The following THSD7B variants were observed in gnomAD, a reference collection of about 807,000 sequenced individuals.
THSD7B encodes the protein thrombospondin type 1 domain containing 7B, also known as thrombospondin type-1 domain-containing protein 7B.
A neutral mutation model predicts 213.6 loss-of-function variants in THSD7B; 138 were observed. The observed-to-expected ratio is 0.65, with a 90% CI of 0.56 to 0.74. The LOEUF is 0.74. THSD7B is among the 30% of genes least tolerant of loss of function. THSD7B has a pLI of 0.00. For missense variants in THSD7B, 1,931 were observed against 1,991.5 expected, an observed-to-expected ratio of 0.97 and a Z score of 0.58; for synonymous variants, 742 against 687.0, an observed-to-expected ratio of 1.08 and a Z score of -1.25.
At chr2:137,283,021 A>G (rs1206800178) in intron 12 of THSD7B, among the ~76,000 whole-genome samples, 1 of 152,168 alleles carries the variant, frequency 6.6e-6, no homozygotes, top group African/African-American at 2.4e-5. Flanking sequence ...ACGATAATTG[A>G]TTCTTCCTAC....
chr2:137,240,116 T>C (rs975232295), intron 9 of THSD7B, among the ~76,000 whole-genome samples: 10 of 152,204 alleles, frequency 6.6e-5, no homozygotes, highest in African/African-American at 2.4e-4. Context: ...ACAAACATTT[T>C]GTTCATAATG....
intron 1 of THSD7B, among the ~76,000 whole-genome samples, chr2:136,771,013 C>T (rs1252670350): frequency 6.6e-6 from 1 of 152,054 alleles, no homozygotes; most frequent in Non-Finnish European, 1.5e-5. Context: ...GGTCATCTGC[C>T]ACAACTGTAA....
chr2:136,826,474 C>A (rs543396111), intron 1 of THSD7B, among the ~76,000 whole-genome samples: 1 of 152,178 alleles, frequency 6.6e-6, no homozygotes, highest in Non-Finnish European at 1.5e-5. Flanking sequence ...TACTAAGTAA[C>A]TGCAAGAGGA....
intron 15 of THSD7B, among the ~76,000 whole-genome samples, chr2:137,477,985 A>C (rs1409584303): frequency 2.0e-5 from 3 of 151,828 alleles, no homozygotes; most frequent in Non-Finnish European, 4.4e-5. Context: ...ATAAGTAGCT[A>C]TATGCTGTTC....
intron 2 of THSD7B, among the ~76,000 whole-genome samples, chr2:136,921,600 G>A (rs1191106470): frequency 6.6e-6 from 1 of 152,180 alleles, no homozygotes; most frequent in Admixed American, 6.5e-5. Context: ...TGACAGTACT[G>A]CCTTAAGGAT....
chr2:136,777,458 T>C (rs909982084), intron 1 of THSD7B, among the ~76,000 whole-genome samples: 7 of 152,134 alleles, frequency 4.6e-5, no homozygotes, highest in Non-Finnish European at 1.0e-4. Context: ...CCCTCACTGG[T>C]CCTGCTGAAA....
In THSD7B at chr2:137,649,513, G is replaced by A. The variant is rs77448458; in HGVS notation, c.3946-5988G>A. On this transcript the variant is annotated intron_variant, in intron 21 of 27. Coordinates refer to ENST00000409968, the MANE Select transcript of THSD7B (RefSeq NM_001316349.2). ...CTGCATATGCTTATCCAGTTTTCCC[G>A]GTAATATTTATTGAAGAGACTATCC... 3.0e-3 allele frequency among the ~76,000 whole-genome samples: 459 copies of A among 152,128 alleles called. 2 individuals carry two copies. Among genetic ancestry groups the A allele is most frequent in the African/African-American group, 9.9e-3 (413 of 41,508 alleles).
At chr2:137,241,728 T>C (rs1681909919) in intron 9 of THSD7B, among the ~76,000 whole-genome samples, 1 of 152,052 alleles carries the variant, frequency 6.6e-6, no homozygotes, top group Non-Finnish European at 1.5e-5. Context: ...CTGGTTAACA[T>C]GGTGAAATCC....
chr2:137,096,956 T>C (rs1688050742), intron 4 of THSD7B, among the ~76,000 whole-genome samples: 1 of 152,234 alleles, frequency 6.6e-6, no homozygotes, highest in Admixed American at 6.5e-5. Flanking sequence ...TGTATTTGTT[T>C]CCTCCAGAAA....
intron 27 of THSD7B, among the ~76,000 whole-genome samples, chr2:137,673,690 A>G (rs2104833111): frequency 6.6e-6 from 1 of 152,334 alleles, no homozygotes; most frequent in South Asian, 2.1e-4. Flanking sequence ...CTTGCCCCTC[A>G]GCTCCTCCTC....
intron 1 of THSD7B, among the ~76,000 whole-genome samples, chr2:136,800,680 T>C (rs1323913959): frequency 6.8e-6 from 1 of 148,130 alleles, no homozygotes; most frequent in African/African-American, 2.4e-5. Flanking sequence ...TGCAGATTTG[T>C]ATGGGCTTCC....
intron 1 of THSD7B, among the ~76,000 whole-genome samples, chr2:136,868,022 G>A (rs1191590424): frequency 1.3e-5 from 2 of 152,112 alleles, no homozygotes; most frequent in African/African-American, 4.8e-5. Context: ...AAGATGGGAA[G>A]TGGTAAATGA....
intron 2 of THSD7B, among the ~76,000 whole-genome samples, chr2:136,957,690 G>A (rs1397645303): frequency 6.6e-6 from 1 of 152,066 alleles, no homozygotes; most frequent in East Asian, 1.9e-4. Flanking sequence ...ATTATATTTT[G>A]TCACATTGTG....
chr2:136,982,239 T>G (rs1685588149), intron 2 of THSD7B, among the ~76,000 whole-genome samples: 1 of 152,158 alleles, frequency 6.6e-6, no homozygotes, highest in Non-Finnish European at 1.5e-5. Flanking sequence ...GATCCTTGGT[T>G]TCTCTCTCCA....
intron 2 of THSD7B, among the ~76,000 whole-genome samples, chr2:136,918,319 A>G (rs2105031345): frequency 6.6e-6 from 1 of 151,380 alleles, no homozygotes; most frequent in Non-Finnish European, 1.5e-5. Flanking sequence ...AATGAAAGCC[A>G]GGTCTCTTTC....
At chr2:137,322,990 C>T (rs1246911190) in intron 12 of THSD7B, among the ~76,000 whole-genome samples, 1 of 152,202 alleles carries the variant, frequency 6.6e-6, no homozygotes, top group Non-Finnish European at 1.5e-5. Flanking sequence ...ATCGACAGGA[C>T]AGCTTCATGC....
At chr2:137,201,753 C>T (rs1468308865) in intron 7 of THSD7B, among the ~76,000 whole-genome samples, 6 of 152,104 alleles carry the variant, frequency 3.9e-5, no homozygotes, top group East Asian at 1.9e-4. Context: ...TGTGAGAGTG[C>T]GAGGTGCCAC....
intron 15 of THSD7B, among the ~76,000 whole-genome samples, chr2:137,541,418 T>C (rs927745074): frequency 6.6e-6 from 1 of 151,730 alleles, no homozygotes; most frequent in Non-Finnish European, 1.5e-5. Flanking sequence ...TTTAATTTTA[T>C]TTTTTAATTG....
chr2:137,668,972 T>C (rs189652709), intron 27 of THSD7B, among the ~76,000 whole-genome samples: 4 of 152,250 alleles, frequency 2.6e-5, no homozygotes, highest in Middle Eastern at 3.4e-3. Flanking sequence ...TGCATATAAG[T>C]TGATGCAGTT....
Sources: allele counts gnomAD v4.1 joint callset (sites outside exome capture counted in the v4.1 genomes callset), GRCh38; gene constraint gnomAD v4.1.1; transcripts MANE v1.5; gene names NCBI Gene and HGNC (gene_info 2026-07-23, HGNC 2026-07-21).